The following ZNF585A variants were observed in gnomAD, a reference collection of about 807,000 sequenced individuals.
ZNF585A encodes zinc finger protein 585A.
Under a neutral mutation model 14.9 loss-of-function variants are expected in ZNF585A, and 9 were observed. That is an observed-to-expected ratio of 0.60 (90% CI 0.36 to 1.05). The LOEUF is 1.05. Ranked by LOEUF, ZNF585A falls within the 50% of genes least tolerant of loss-of-function variation. ZNF585A has a pLI of 0.01. For missense variants in ZNF585A, 726 were observed against 926.4 expected, an observed-to-expected ratio of 0.78 and a Z score of 2.81; for synonymous variants, 276 against 319.9, an observed-to-expected ratio of 0.86 and a Z score of 1.46.
chr19:37,170,682 G>T (rs1339681959), intron 1 of ZNF585A, among the ~76,000 whole-genome samples: 4 of 152,170 alleles, frequency 2.6e-5, no homozygotes, highest in Non-Finnish European at 5.9e-5. Flanking sequence ...CACCATGTTG[G>T]CCAGGATGGT....
At chr19:37,168,284 G>A (rs977367680) in intron 2 of ZNF585A, among the ~76,000 whole-genome samples, 9 of 152,126 alleles carry the variant, frequency 5.9e-5, no homozygotes, top group Non-Finnish European at 1.0e-4. Context: ...CCTGACCGCT[G>A]AGAGTTAGCC....
At position 37,152,581 on chromosome 19, in the gene ZNF585A, A is replaced by G; in HGVS notation, c.1318T>C (p.Cys440Arg). Residue 440 changes from cysteine to arginine, a missense_variant, in exon 5 of 5, where the codon TGT becomes CGT. Cys to Arg is a radical substitution (Grantham distance 180). This residue lies in a region of ZNF585A where 483 missense variants were observed against 542.8 expected (regional missense o/e 0.89). Coordinates refer to ENST00000292841, the MANE Select transcript of ZNF585A (RefSeq NM_001288800.2). ...IIHTGEKPHK[C>R]GHCGKLFTSK... ...GTAAACAATTTCCCACAGTGACCAC[A>G]TTTATGAGGTTTCTCTCCAGTATGA... The G allele has an allele frequency of 6.2e-7, 1 of 1,614,152 alleles. No homozygotes were observed. The highest frequency in any genetic ancestry group is 8.5e-7 in the Non-Finnish European group (1 of 1,180,036).
At chr19:37,160,535 G>T (rs1050390923) in intron 2 of ZNF585A, among the ~76,000 whole-genome samples, 1 of 151,652 alleles carries the variant, frequency 6.6e-6, no homozygotes, top group African/African-American at 2.4e-5. Context: ...TAATAAAACC[G>T]ATAAATTCAC....
At chr19:37,160,890 C>T (rs897130420) in intron 2 of ZNF585A, among the ~76,000 whole-genome samples, 8 of 151,834 alleles carry the variant, frequency 5.3e-5, no homozygotes, top group African/African-American at 1.9e-4. Flanking sequence ...TTTTGTGAGA[C>T]ACGATCTTGC....
At position 37,153,033 on chromosome 19, in the gene ZNF585A, C is replaced by T. The variant is rs368991030; in HGVS notation, c.866G>A (p.Arg289Gln). ...FIQKTHLIAH[R>Q]RIHTGEKPYE... ...TGGTTTTTCTCCAGTATGAATTCTT[C>T]GGTGTGCAATCAAATGGGTCTTCTG... is the stretch of plus-strand genomic sequence containing the variant. The change falls in exon 5 of 5, where the codon CGA becomes CAA. Residue 289 changes from arginine to glutamine, a missense_variant. Coordinates refer to ENST00000292841, the MANE Select transcript of ZNF585A (RefSeq NM_001288800.2). The T allele has an allele frequency of 2.0e-5, 33 of 1,614,042 alleles. No homozygotes were observed. The highest frequency in any genetic ancestry group is 4.5e-5 in the East Asian group (2 of 44,888).
intron 2 of ZNF585A, among the ~76,000 whole-genome samples, chr19:37,161,252 C>T (rs968517469): frequency 2.2e-4 from 34 of 151,734 alleles, no homozygotes; most frequent in African/African-American, 7.7e-4. Context: ...TGTCAGCAAA[C>T]TGAATTCAAG....
chr19:37,168,920 A>C (rs1224763713), intron 2 of ZNF585A, among the ~76,000 whole-genome samples: 4 of 152,266 alleles, frequency 2.6e-5, no homozygotes, highest in Non-Finnish European at 4.4e-5. Context: ...TAAGCAATCA[A>C]AGAAAAAGAA....
intron 2 of ZNF585A, among the ~76,000 whole-genome samples, chr19:37,168,977 G>A (rs1350716987): frequency 2.0e-5 from 3 of 152,162 alleles, no homozygotes; most frequent in Non-Finnish European, 2.9e-5. Flanking sequence ...GGTGGGGAAC[G>A]GAGGTGGGTG....
intron 2 of ZNF585A, among the ~76,000 whole-genome samples, chr19:37,161,529 C>T (rs1972013230): frequency 6.6e-6 from 1 of 152,082 alleles, no homozygotes; most frequent in African/African-American, 2.4e-5. Context: ...TACGCAAGTC[C>T]ACAGATACAT....
At chr19:37,156,469 A>G in intron 2 of ZNF585A, 114 bp from the exon 3 acceptor site, 1 of 1,343,994 alleles carries the variant, frequency 7.4e-7, no homozygotes, top group African/African-American at 1.5e-5. Context: ...TCTCTTTTTA[A>G]AAACTCACTC....
Position 37,152,813 on chromosome 19 carries a change from G to A in ZNF585A, c.1086C>T (p.Ala362=). 3 of 1,614,040 alleles carry A rather than the reference G, an allele frequency of 1.9e-6. No individual in the cohort carries two copies. Among genetic ancestry groups the A allele is most frequent in the East Asian group, 4.5e-5 (2 of 44,866 alleles). Residue 362 remains alanine, a synonymous_variant, in exon 5 of 5, where the codon GCC becomes GCT. Coordinates refer to ENST00000292841, the MANE Select transcript of ZNF585A (RefSeq NM_001288800.2). ...TAATCAACTCTGACCTGTAGGTAAAGGCCTTCCCACACTCAGTACATATGG... is the reference window on the plus strand; with the variant it reads ...TAATCAACTCTGACCTGTAGGTAAAAGCCTTCCCACACTCAGTACATATGG... ...KSSICTECGK[A]FTYRSELIIH...
intron 2 of ZNF585A, among the ~76,000 whole-genome samples, chr19:37,159,872 A>G (rs954140594): frequency 6.6e-6 from 1 of 152,230 alleles, no homozygotes; most frequent in African/African-American, 2.4e-5. Context: ...CGCCAAAATA[A>G]TATTTAAAAT....
At chr19:37,156,482 A>G in intron 2 of ZNF585A, 127 bp from the exon 3 acceptor site, 2 of 1,247,548 alleles carry the variant, frequency 1.6e-6, no homozygotes, top group Non-Finnish European at 2.2e-6. Context: ...ACTCACTCCC[A>G]TTTCTCTAAT....
rs1450176136 is a variant in ZNF585A, at chr19:37,148,624, TA to T, written c.*2964del. The T allele has an allele frequency of 6.6e-6, 1 of 152,196 alleles. No homozygotes were observed. The highest frequency in any genetic ancestry group is 1.5e-5 in the Non-Finnish European group (1 of 68,032). 9.4% of individuals were successfully genotyped at this position (152,196 alleles called of 1,614,324 possible). On this transcript the variant is annotated 3_prime_UTR_variant, in exon 5 of 5. Coordinates refer to ENST00000292841, the MANE Select transcript of ZNF585A (RefSeq NM_001288800.2). ...ACTGTCAAAACTCAGAACTCTACAC[TA>T]AAAAGTGTGACTATTACTGAATGTA... is the stretch of plus-strand genomic sequence containing the variant.
At chr19:37,165,756 C>A (rs1356022203) in intron 2 of ZNF585A, 1 of 642,536 alleles carries the variant, frequency 1.6e-6, no homozygotes, top group Non-Finnish European at 1.9e-6. Context: ...AAATATTATT[C>A]TTTACCCAAA....
rs548817365 is a variant in ZNF585A at position 37,147,897 on chromosome 19, T to C, written c.*3692A>G. ...TGAGCAGCCCTCCATAGTATTGGTG[T>C]ACACAATTTGTTTAATCACTCATCC... On this transcript the variant is annotated 3_prime_UTR_variant, in exon 5 of 5. Transcript: ENST00000292841. 6.6e-6 allele frequency: 1 copy of C among 152,348 alleles called. No individual in the cohort carries two copies. The highest frequency in any genetic ancestry group is 1.9e-4 in the East Asian group (1 of 5,188). The allele number at this position is 152,348 out of a possible 1,614,324, so 9.4% of individuals were successfully genotyped here.
intron 1 of ZNF585A, among the ~76,000 whole-genome samples, chr19:37,170,347 C>A (rs1972162345): frequency 6.6e-6 from 1 of 152,200 alleles, no homozygotes; most frequent in East Asian, 1.9e-4. Context: ...AGAACCAGCG[C>A]TGAGGAGAAC....
chr19:37,157,914 AG>A (rs1971955764), intron 2 of ZNF585A, among the ~76,000 whole-genome samples: 1 of 149,882 alleles, frequency 6.7e-6, no homozygotes, highest in African/African-American at 2.5e-5. Flanking sequence ...TTTAGACAAA[AG>A]TCTCACTCTG....
intron 2 of ZNF585A, among the ~76,000 whole-genome samples, chr19:37,161,496 G>A (rs965571980): frequency 2.6e-5 from 4 of 152,150 alleles, no homozygotes; most frequent in Non-Finnish European, 5.9e-5. Flanking sequence ...TTGTAGTTGA[G>A]CCTGAACAAC....
Sources: gnomAD v4.1 joint callset for allele counts (sites outside exome capture counted in the v4.1 genomes callset) on GRCh38, gnomAD v4.1.1 for gene constraint, gnomAD v4.1.1 regional missense constraint, MANE v1.5 for transcripts, NCBI Gene and HGNC (gene_info 2026-07-23, HGNC 2026-07-21) for gene names.